The following DNAJC6 variants were observed in gnomAD, a reference collection of about 807,000 sequenced individuals.
DNAJC6 encodes the protein DnaJ heat shock protein family (Hsp40) member C6.
DNAJC6 carries 34 observed loss-of-function variants against 110.0 expected under a neutral mutation model. The ratio of observed to expected loss-of-function variants is 0.31; its 90% CI spans 0.24 to 0.41. The LOEUF (loss-of-function observed/expected upper bound fraction) is 0.41, where lower values mean the gene tolerates loss of function less well. Among genes scored for constraint, DNAJC6 ranks in the 10% least tolerant of loss-of-function variants. The pLI, the probability that DNAJC6 is intolerant of heterozygous loss-of-function variation, is 1.00. For synonymous variants in DNAJC6, 406 were observed against 437.2 expected (o/e 0.93, Z 0.89); for missense variants, 1,031 against 1,207.8 (o/e 0.85, Z 2.17).
intron 1 of DNAJC6, among the ~76,000 whole-genome samples, chr1:65,339,360 G>A (rs1645367316): frequency 6.6e-6 from 1 of 152,140 alleles, no homozygotes; most frequent in Non-Finnish European, 1.5e-5. Context: ...ATTCAGCAGT[G>A]GCATGTGAGA....
In DNAJC6 at chr1:65,406,058, C is replaced by T. The variant is rs1646073230; in HGVS notation, c.2416C>T (p.Arg806Ter). The T allele has an allele frequency of 1.9e-6, 3 of 1,614,160 alleles. No homozygotes were observed. Among genetic ancestry groups the T allele is most frequent in the South Asian group, 1.1e-5 (1 of 91,088 alleles). Reference protein sequence around the residue: ...PSMPHSSPQNRPNYNVSFSAM... With the variant: ...PSMPHSSPQN Reference sequence around the variant, plus strand: ...CATGCCCCACTCCTCTCCCCAGAACCGACCCAACTACAACGTGAGCTTCTC... The same window carrying T: ...CATGCCCCACTCCTCTCCCCAGAACTGACCCAACTACAACGTGAGCTTCTC... Residue 806 changes from arginine to a stop codon, truncating the protein, a stop_gained, in exon 16 of 19, where the codon CGA becomes TGA. Coordinates refer to ENST00000371069, the MANE Select transcript of DNAJC6 (RefSeq NM_001256864.2). LOFTEE classifies it high-confidence loss of function.
intron 1 of DNAJC6, among the ~76,000 whole-genome samples, chr1:65,340,441 T>G (rs1273497125): frequency 6.6e-6 from 1 of 152,170 alleles, no homozygotes; most frequent in Non-Finnish European, 1.5e-5. Flanking sequence ...GCCATCTATG[T>G]GCTATTGGCG....
intron 1 of DNAJC6, among the ~76,000 whole-genome samples, chr1:65,346,737 T>G (rs898612598): frequency 9.2e-5 from 14 of 152,062 alleles, no homozygotes; most frequent in Non-Finnish European, 1.8e-4. Context: ...TCCTTTCACT[T>G]TTATGTCTGT....
At chr1:65,334,499 GA>G (rs1324347640) in intron 1 of DNAJC6, among the ~76,000 whole-genome samples, 1 of 152,202 alleles carries the variant, frequency 6.6e-6, no homozygotes, top group Non-Finnish European at 1.5e-5. Context: ...CAGGAGGTGA[GA>G]ATGGGAAGGA....
intron 7 of DNAJC6, among the ~76,000 whole-genome samples, 177 bp from the exon 8 acceptor site, chr1:65,386,635 G>A (rs1557555304): frequency 1.3e-5 from 2 of 152,182 alleles, no homozygotes; most frequent in Non-Finnish European, 2.9e-5. Flanking sequence ...CCATCCTACT[G>A]CACAACCAGT....
At chr1:65,370,165 A>C (rs1231846887) in intron 4 of DNAJC6, among the ~76,000 whole-genome samples, 1 of 152,218 alleles carries the variant, frequency 6.6e-6, no homozygotes, top group Admixed American at 6.5e-5. Flanking sequence ...CCAGATGTTC[A>C]TAATGACTCC....
chr1:65,270,022 A>C (rs759038894), intron 1 of DNAJC6, among the ~76,000 whole-genome samples: 1 of 152,206 alleles, frequency 6.6e-6, no homozygotes, highest in Non-Finnish European at 1.5e-5. Flanking sequence ...CTGTACACTG[A>C]AACTTCCAGG....
chr1:65,282,601 A>G (rs1241474549), intron 1 of DNAJC6, among the ~76,000 whole-genome samples: 1 of 152,154 alleles, frequency 6.6e-6, no homozygotes, highest in East Asian at 1.9e-4. Flanking sequence ...GGAGGGATGG[A>G]TGGTGGGTGG....
At chr1:65,296,331 C>T (rs951923873) in intron 1 of DNAJC6, among the ~76,000 whole-genome samples, 1 of 152,110 alleles carries the variant, frequency 6.6e-6, no homozygotes, top group African/African-American at 2.4e-5. Flanking sequence ...TACTTTAATA[C>T]AGTAGAAATG....
intron 4 of DNAJC6, among the ~76,000 whole-genome samples, chr1:65,377,952 G>C (rs1434715825): frequency 2.0e-5 from 3 of 152,048 alleles, no homozygotes; most frequent in African/African-American, 7.2e-5. Flanking sequence ...CTTCTATCCA[G>C]CCATTCAAGC....
chr1:65,390,994 T>C (rs1275354476), intron 11 of DNAJC6, among the ~76,000 whole-genome samples: 1 of 152,114 alleles, frequency 6.6e-6, no homozygotes, highest in Non-Finnish European at 1.5e-5. Flanking sequence ...CTGAAATAGG[T>C]TTTAGTATAG....
chr1:65,374,630 G>A (rs1230517299), intron 4 of DNAJC6, among the ~76,000 whole-genome samples: 2 of 152,122 alleles, frequency 1.3e-5, no homozygotes, highest in Admixed American at 1.3e-4. Flanking sequence ...TGTTGGTTTT[G>A]TATTCTGCAA....
At chr1:65,379,140 A>G (rs1570350090) in intron 4 of DNAJC6, among the ~76,000 whole-genome samples, 4 of 152,340 alleles carry the variant, frequency 2.6e-5, no homozygotes, top group Admixed American at 1.3e-4. Context: ...AAATCCAAGG[A>G]TGTATTTGAA....
chr1:65,408,150 C>A (rs571508843), intron 16 of DNAJC6, among the ~76,000 whole-genome samples: 1 of 152,250 alleles, frequency 6.6e-6, no homozygotes, highest in South Asian at 2.1e-4. Context: ...TTGTTCCTAG[C>A]CACCATGCTC....
chr1:65,390,818 T>C (rs904469774), intron 11 of DNAJC6, among the ~76,000 whole-genome samples: 2 of 152,218 alleles, frequency 1.3e-5, no homozygotes, highest in African/African-American at 4.8e-5. Flanking sequence ...TAGCAAATCC[T>C]CAAATTTGGA....
intron 15 of DNAJC6, 44 bp downstream of exon 15, chr1:65,401,924 G>T (rs759030768): frequency 6.2e-7 from 1 of 1,606,664 alleles, no homozygotes; most frequent in East Asian, 2.2e-5. Flanking sequence ...TTTATTTATA[G>T]CTATAAAGCC....
intron 1 of DNAJC6, among the ~76,000 whole-genome samples, chr1:65,284,799 C>T (rs1653962314): frequency 6.6e-6 from 1 of 152,024 alleles, no homozygotes; most frequent in African/African-American, 2.4e-5. Flanking sequence ...AGCAATTCTC[C>T]TGCCTCAGCC....
At chr1:65,309,507 G>A, upstream of DNAJC6, 2 of 831,862 alleles carry the variant, frequency 2.4e-6, no homozygotes, top group Non-Finnish European at 3.0e-6. Context: ...CCGCCCGGCC[G>A]CGTCTCCTTC....
chr1:65,364,612 TTG>T lies in DNAJC6; in HGVS notation c.194-21_194-20del, dbSNP rs80181045. 587 of 1,548,246 alleles carry T rather than the reference TTG, an allele frequency of 3.8e-4. 48 individuals carry two copies. Among genetic ancestry groups the T allele is most frequent in the East Asian group, 2.4e-3 (101 of 41,400 alleles). On this transcript the variant is annotated intron_variant, in intron 1 of 18. Transcript: ENST00000371069. ...CTCTGCCATCACCATTTTTGTTTGT[TTG>T]TTTTTTTTTTTTTTTGGCAGGTGCC...
Sources: gnomAD v4.1 joint callset for allele counts (sites outside exome capture counted in the v4.1 genomes callset) on GRCh38, gnomAD v4.1.1 for gene constraint, MANE v1.5 for transcripts, NCBI Gene and HGNC (gene_info 2026-07-23, HGNC 2026-07-21) for gene names.